The following TBC1D7 variants were observed in gnomAD, a reference collection of about 807,000 sequenced individuals.
TBC1D7 encodes TBC1 domain family member 7.
A neutral mutation model predicts 35.3 loss-of-function variants in TBC1D7; 33 were observed. The observed-to-expected ratio is 0.93, with a 90% CI of 0.71 to 1.25. The LOEUF is 1.25. Among genes scored for constraint, TBC1D7 ranks in the 50% most tolerant of loss-of-function variants. The pLI is 0.00. For synonymous variants in TBC1D7, 135 were observed against 129.5 expected (o/e 1.04, Z -0.29); for missense variants, 362 against 365.3 (o/e 0.99, Z 0.07).
chr6:13,323,511 T>C (rs1174834570), intron 3 of TBC1D7, among the ~76,000 whole-genome samples: 1 of 152,040 alleles, frequency 6.6e-6, no homozygotes, highest in African/African-American at 2.4e-5. Context: ...CTCCCATAAA[T>C]CGACACTGTT....
chr6:13,327,488 A>T (rs1784475269), intron 1 of TBC1D7, among the ~76,000 whole-genome samples: 1 of 152,184 alleles, frequency 6.6e-6, no homozygotes, highest in African/African-American at 2.4e-5. Flanking sequence ...AAGTTATATA[A>T]AAGTAAAAAG....
At chr6:13,313,988 C>G (rs374254667) in intron 5 of TBC1D7, among the ~76,000 whole-genome samples, 1 of 151,942 alleles carries the variant, frequency 6.6e-6, no homozygotes, top group African/African-American at 2.4e-5. Flanking sequence ...TTTGGGAGGC[C>G]GAGGGGGCGG....
At chr6:13,327,212 A>C (rs188428769) in intron 1 of TBC1D7, among the ~76,000 whole-genome samples, 1 of 152,218 alleles carries the variant, frequency 6.6e-6, no homozygotes, top group Non-Finnish European at 1.5e-5. Flanking sequence ...ACAATAGAAC[A>C]TTCTGTAGCT....
rs538391625 is a variant in TBC1D7, at chr6:13,314,897, G to GA, written c.519+1673dup. Among the ~76,000 whole-genome samples, 30 of 152,190 alleles carry GA rather than the reference G, an allele frequency of 2.0e-4. No homozygotes were observed. In the South Asian group the frequency reaches 6.2e-3, roughly 32 times the overall value. On this transcript the variant is annotated intron_variant, in intron 5 of 7. Coordinates refer to ENST00000379300, the MANE Select transcript of TBC1D7 (RefSeq NM_016495.6). ...TGAGATAAATAAGGGGAAAAAACTA[G>GA]AAAAAAAGAAAGTGGCAAAGGAAGA...
Position 13,316,654 on chromosome 6 carries a change from C to T in TBC1D7, c.436G>A (p.Glu146Lys). The T allele has an allele frequency of 3.7e-6, 6 of 1,614,084 alleles. No homozygotes were observed. The highest frequency in any genetic ancestry group is 4.2e-6 in the Non-Finnish European group (5 of 1,179,994). The change falls in exon 5 of 8, where the codon GAA becomes AAA. Residue 146 changes from glutamate (E) to lysine (K), a missense_variant. Physicochemically the swap from Glu to Lys is moderately conservative, Grantham distance 56 (BLOSUM62 1). Transcript: ENST00000379300. ...ATCCAGTAACAGTCGACACTATCTT[C>T]CACCATTTCCTCCATGGCTTTAGCT... ...AIAKAMEEMV[E>K]DSVDCYWITR...
At position 13,306,639 on chromosome 6, in the gene TBC1D7, T is replaced by C. The variant is rs1782827884; in HGVS notation, c.666-112A>G. 1.2e-5 allele frequency: 10 copies of C among 847,328 alleles called. No individual in the cohort carries two copies. The South Asian group carries it at 2.5e-4, about 21-fold the overall frequency. The allele number at this position is 847,328 out of a possible 1,614,324, so 52.5% of individuals were successfully genotyped here. A position where few individuals can be genotyped will look rare whatever the true frequency, so the allele number is the denominator to read the frequency against. On this transcript the variant is annotated intron_variant, in intron 6 of 7. Transcript: ENST00000379300. The stretch of plus-strand genomic sequence containing the variant: ...ATTGCTCCAATTTTATGTAAAAGCT[T>C]CAAAGAACAACTTTTATGAAATAAT...
intron 5 of TBC1D7, among the ~76,000 whole-genome samples, chr6:13,308,382 C>G (rs1173494350): frequency 6.6e-6 from 1 of 152,168 alleles, no homozygotes; most frequent in Non-Finnish European, 1.5e-5. Flanking sequence ...TAAATGTGCA[C>G]AAGAATTTCT....
intron 4 of TBC1D7, 52 bp from the exon 5 acceptor site, chr6:13,316,760 CAT>C: frequency 6.3e-7 from 1 of 1,578,954 alleles, no homozygotes; most frequent in South Asian, 1.2e-5. Context: ...GAGAGGAATA[CAT>C]ATTTCTTTAA....
intron 4 of TBC1D7, chr6:13,320,081 G>C (rs946700049): frequency 2.2e-4 from 33 of 152,352 alleles, no homozygotes; most frequent in African/African-American, 7.9e-4. Flanking sequence ...GGAAACACCA[G>C]ACAAACCTAA....
At chr6:13,316,151 T>C (rs1351240576) in intron 5 of TBC1D7, among the ~76,000 whole-genome samples, 3 of 152,362 alleles carry the variant, frequency 2.0e-5, no homozygotes, top group Non-Finnish European at 4.4e-5. Flanking sequence ...CTGCACTGCC[T>C]GGATTCTTAG....
intron 5 of TBC1D7, among the ~76,000 whole-genome samples, chr6:13,311,680 A>G (rs891046031): frequency 6.6e-6 from 1 of 152,330 alleles, no homozygotes; most frequent in East Asian, 1.9e-4. Flanking sequence ...CACAAAAAGA[A>G]GCCCCATTTT....
intron 5 of TBC1D7, among the ~76,000 whole-genome samples, chr6:13,310,051 A>T (rs1167251200): frequency 6.6e-6 from 1 of 152,238 alleles, no homozygotes; most frequent in African/African-American, 2.4e-5. Context: ...GGCTGTAGGG[A>T]AACAATCTAC....
chr6:13,316,729 C>A (rs1445913628), intron 4 of TBC1D7, 21 bp from the exon 5 acceptor site: 1 of 1,612,196 alleles, frequency 6.2e-7, no homozygotes, highest in Non-Finnish European at 8.5e-7. Flanking sequence ...AATAATAAAT[C>A]TCAAGAGGAA....
intron 5 of TBC1D7, among the ~76,000 whole-genome samples, chr6:13,315,891 A>C (rs1783572622): frequency 6.6e-6 from 1 of 152,244 alleles, no homozygotes; most frequent in African/African-American, 2.4e-5. Flanking sequence ...TCCTAAACCT[A>C]CACTACTCAA....
chr6:13,314,883 A>C (rs1584544122), intron 5 of TBC1D7, among the ~76,000 whole-genome samples: 1 of 152,194 alleles, frequency 6.6e-6, no homozygotes, highest in Non-Finnish European at 1.5e-5. Context: ...GAGATAAATA[A>C]GGGGAAAAAA....
At chr6:13,325,020 G>C (rs1784309374) in intron 3 of TBC1D7, 74 bp downstream of exon 3, 1 of 1,167,310 alleles carries the variant, frequency 8.6e-7, no homozygotes, top group South Asian at 1.4e-5. Context: ...TCCTTTTTCT[G>C]ACTGATAAGA....
At chr6:13,323,377 A>G (rs576240334) in intron 3 of TBC1D7, among the ~76,000 whole-genome samples, 1 of 152,214 alleles carries the variant, frequency 6.6e-6, no homozygotes, top group Admixed American at 6.5e-5. Context: ...AAAAAAAGAA[A>G]GAATGGTTAA....
chr6:13,317,592 T>C (rs914338051), intron 4 of TBC1D7, among the ~76,000 whole-genome samples: 7 of 152,180 alleles, frequency 4.6e-5, no homozygotes, highest in African/African-American at 1.7e-4. Flanking sequence ...ATTTAAATCA[T>C]AGGGAATAAG....
chr6:13,311,952 T>C (rs953513939), intron 5 of TBC1D7, among the ~76,000 whole-genome samples: 4 of 126,396 alleles, frequency 3.2e-5, no homozygotes, highest in African/African-American at 1.2e-4. Context: ...TATAAATATA[T>C]ATAAAAATGT....
Sources: gnomAD v4.1 joint callset for allele counts (sites outside exome capture counted in the v4.1 genomes callset) on GRCh38, gnomAD v4.1.1 for gene constraint, MANE v1.5 for transcripts, NCBI Gene and HGNC (gene_info 2026-07-23, HGNC 2026-07-21) for gene names.